Variants in SHLD2 observed in about 807,000 individuals in gnomAD.
SHLD2 encodes RINN1-REV7-interacting novel NHEJ regulator 2.
Under a neutral mutation model 73.2 loss-of-function variants are expected in SHLD2, and 30 were observed. The ratio of observed to expected loss-of-function variants is 0.41; its 90% CI spans 0.31 to 0.56. The LOEUF (loss-of-function observed/expected upper bound fraction) is 0.56. Ranked by LOEUF, SHLD2 falls within the 20% of genes least tolerant of loss-of-function variation. SHLD2 has a pLI of 0.28. For missense variants in SHLD2, 745 were observed against 1,055.9 expected (o/e 0.71, Z 4.08); for synonymous variants, 285 against 370.1 (o/e 0.77, Z 2.64).
chr10:87,134,648 A>G (rs537843609), intron 2 of SHLD2, among the ~76,000 whole-genome samples: 6 of 152,188 alleles, frequency 3.9e-5, no homozygotes, highest in African/African-American at 1.4e-4. Context: ...GTATAGGGCA[A>G]CCACCCTTAG....
intron 2 of SHLD2, among the ~76,000 whole-genome samples, chr10:87,128,680 G>A (rs1212081173): frequency 6.6e-6 from 1 of 152,156 alleles, no homozygotes; most frequent in African/African-American, 2.4e-5. Context: ...TGTTATGCCT[G>A]TTGAAAGTAC....
At chr10:87,136,203 C>A (rs1229762424) in intron 2 of SHLD2, among the ~76,000 whole-genome samples, 4 of 151,872 alleles carry the variant, frequency 2.6e-5, no homozygotes, top group African/African-American at 7.3e-5. Flanking sequence ...CAGCTTTGGC[C>A]ACTGGGAGCT....
intron 2 of SHLD2, among the ~76,000 whole-genome samples, chr10:87,144,676 G>C: frequency 7.3e-6 from 1 of 137,120 alleles, no homozygotes; most frequent in Non-Finnish European, 1.5e-5. Flanking sequence ...GCCCAGGCTG[G>C]AATGCAGTGG....
intron 2 of SHLD2, among the ~76,000 whole-genome samples, chr10:87,138,063 TG>T (rs1844920935): frequency 6.6e-6 from 1 of 152,020 alleles, no homozygotes; most frequent in Admixed American, 6.5e-5. Context: ...CTCAGAACTT[TG>T]GGAGGTGGGC....
At chr10:87,146,806 C>G (rs1364264425) in intron 2 of SHLD2, among the ~76,000 whole-genome samples, 1 of 151,836 alleles carries the variant, frequency 6.6e-6, no homozygotes, top group Admixed American at 6.6e-5. Flanking sequence ...CCTCTAATCT[C>G]AGCACTTTGG....
At chr10:87,127,737 G>C (rs957287683) in intron 2 of SHLD2, among the ~76,000 whole-genome samples, 1 of 151,118 alleles carries the variant, frequency 6.6e-6, no homozygotes, top group Non-Finnish European at 1.5e-5. Context: ...GACAGCCAGC[G>C]TTGCTATAAG....
chr10:87,099,703 T>C (rs1056915819), intron 2 of SHLD2, among the ~76,000 whole-genome samples: 1 of 152,224 alleles, frequency 6.6e-6, no homozygotes, highest in African/African-American at 2.4e-5. Context: ...ATTTTTGAGG[T>C]ACTGCCAAAC....
intron 2 of SHLD2, among the ~76,000 whole-genome samples, chr10:87,137,863 G>A (rs1017369231): frequency 1.3e-5 from 2 of 152,148 alleles, no homozygotes; most frequent in Non-Finnish European, 2.9e-5. Flanking sequence ...AGGCACATTA[G>A]TTATGTGAGA....
At chr10:87,176,755 A>G (rs1440043162) in intron 7 of SHLD2, among the ~76,000 whole-genome samples, 2 of 152,260 alleles carry the variant, frequency 1.3e-5, no homozygotes, top group African/African-American at 4.8e-5. Flanking sequence ...GCATTGTTAT[A>G]TCATAAAACT....
chr10:87,175,447 AG>A (rs1431900637), intron 6 of SHLD2, among the ~76,000 whole-genome samples: 6 of 151,690 alleles, frequency 4.0e-5, no homozygotes, highest in African/African-American at 1.5e-4. Flanking sequence ...GCACTGTGGG[AG>A]GCCGAGGTGG....
chr10:87,108,157 C>G (rs1842717507), intron 2 of SHLD2, among the ~76,000 whole-genome samples: 1 of 152,138 alleles, frequency 6.6e-6, no homozygotes, highest in African/African-American at 2.4e-5. Flanking sequence ...TCAAGTGATT[C>G]TCCTCCCTCA....
intron 6 of SHLD2, among the ~76,000 whole-genome samples, chr10:87,171,437 T>C (rs1847589428): frequency 6.6e-6 from 1 of 152,314 alleles, no homozygotes; most frequent in East Asian, 1.9e-4. Flanking sequence ...TTTAAAAGCA[T>C]GCACTGTTAG....
At chr10:87,150,676 G>C (rs1424620806) in intron 2 of SHLD2, among the ~76,000 whole-genome samples, 1 of 151,642 alleles carries the variant, frequency 6.6e-6, no homozygotes, top group Non-Finnish European at 1.5e-5. Flanking sequence ...AGGAGAATTG[G>C]TTGAACCTGG....
intron 2 of SHLD2, among the ~76,000 whole-genome samples, chr10:87,129,817 G>A (rs981739011): frequency 6.6e-6 from 1 of 151,658 alleles, no homozygotes; most frequent in African/African-American, 2.4e-5. Flanking sequence ...ACAAGGTCTC[G>A]CTGTGTTGCC....
At chr10:87,129,902 A>C (rs1372540527) in intron 2 of SHLD2, among the ~76,000 whole-genome samples, 1 of 152,184 alleles carries the variant, frequency 6.6e-6, no homozygotes, top group Non-Finnish European at 1.5e-5. Flanking sequence ...ATTACAGTGT[A>C]GTATCTTCTG....
intron 7 of SHLD2, among the ~76,000 whole-genome samples, chr10:87,179,074 G>A (rs1848136042): frequency 6.6e-6 from 1 of 152,178 alleles, no homozygotes; most frequent in Admixed American, 6.5e-5. Flanking sequence ...TGACTATGGA[G>A]AAAGGGAGAA....
chr10:87,108,198 C>T (rs1026019732), intron 2 of SHLD2, among the ~76,000 whole-genome samples: 1 of 152,062 alleles, frequency 6.6e-6, no homozygotes, highest in Non-Finnish European at 1.5e-5. Context: ...TACAGGCATG[C>T]GTCACCACAC....
chr10:87,160,350 G>A (rs1192929008), intron 4 of SHLD2, among the ~76,000 whole-genome samples: 2 of 152,072 alleles, frequency 1.3e-5, no homozygotes, highest in Admixed American at 6.6e-5. Context: ...TTAGCCAGGT[G>A]TAGTGGTGCA....
At chr10:87,124,494 C>T (rs975848420) in intron 2 of SHLD2, among the ~76,000 whole-genome samples, 1 of 152,102 alleles carries the variant, frequency 6.6e-6, no homozygotes, top group Non-Finnish European at 1.5e-5. Context: ...TGTGATCGCA[C>T]CACTGCACTC....
Sources: gnomAD v4.1 joint callset for allele counts (sites outside exome capture counted in the v4.1 genomes callset) on GRCh38, gnomAD v4.1.1 for gene constraint, MANE v1.5 for transcripts, NCBI Gene and HGNC (gene_info 2026-07-23, HGNC 2026-07-21) for gene names.